The following COL11A1 variants were observed in gnomAD, a reference collection of about 807,000 sequenced individuals.
The protein encoded by COL11A1 is collagen alpha-1(XI) chain.
A neutral mutation model predicts 265.2 loss-of-function variants in COL11A1; 74 were observed. The observed-to-expected ratio is 0.28, with a 90% CI of 0.23 to 0.34. The LOEUF is 0.34. Among genes scored for constraint, COL11A1 ranks in the 10% least tolerant of loss-of-function variants. The probability of loss-of-function intolerance (pLI) is 1.00; values close to 1 mark genes in which losing one functional copy is unlikely to be tolerated. For synonymous variants in COL11A1, 816 were observed against 727.6 expected (o/e 1.12, Z -1.96); for missense variants, 2,165 against 2,263.6 (o/e 0.96, Z 0.88).
intron 36 of COL11A1, 128 bp downstream of exon 36, chr1:102,974,702 G>T: frequency 1.4e-6 from 1 of 713,018 alleles, no homozygotes; most frequent in Non-Finnish European, 2.4e-6. Context: ...TACTTTCTTT[G>T]ACATCAATTG....
chr1:103,107,575 G>C (rs1242077445), intron 1 of COL11A1, among the ~76,000 whole-genome samples: 1 of 133,268 alleles, frequency 7.5e-6, no homozygotes, highest in East Asian at 2.2e-4. Context: ...AACTAAAACA[G>C]CCTGCTTCTC....
intron 22 of COL11A1, 87 bp from the exon 23 acceptor site, chr1:103,002,568 A>C: frequency 8.2e-7 from 1 of 1,217,574 alleles, no homozygotes; most frequent in Non-Finnish European, 1.2e-6. Flanking sequence ...ACCTCTACCC[A>C]CCCTCAAACA....
At chr1:102,920,999 A>G (rs1429187257) in intron 48 of COL11A1, among the ~76,000 whole-genome samples, 3 of 152,206 alleles carry the variant, frequency 2.0e-5, no homozygotes, top group Non-Finnish European at 4.4e-5. Flanking sequence ...ATATGGCATT[A>G]TATTTCAAAA....
At chr1:103,050,818 C>G (rs1175875740) in intron 4 of COL11A1, among the ~76,000 whole-genome samples, 1 of 152,206 alleles carries the variant, frequency 6.6e-6, no homozygotes, top group East Asian at 1.9e-4. Context: ...TTCCTTCTAA[C>G]AGACAGGTCC....
chr1:103,079,065 A>G (rs1285472373), intron 2 of COL11A1, among the ~76,000 whole-genome samples, 194 bp from the exon 3 acceptor site: 1 of 152,122 alleles, frequency 6.6e-6, no homozygotes, highest in Non-Finnish European at 1.5e-5. Flanking sequence ...CTATAGTCAA[A>G]CTTTAAAGAC....
At chr1:102,941,337 G>A (rs904403185) in intron 42 of COL11A1, among the ~76,000 whole-genome samples, 5 of 151,974 alleles carry the variant, frequency 3.3e-5, no homozygotes, top group East Asian at 1.9e-4. Flanking sequence ...TTCCCCATAC[G>A]TATTCTTACT....
At chr1:103,039,656 A>G (rs938809185) in intron 4 of COL11A1, among the ~76,000 whole-genome samples, 1 of 152,156 alleles carries the variant, frequency 6.6e-6, no homozygotes, top group Non-Finnish European at 1.5e-5. Flanking sequence ...AACTTTGAAA[A>G]AATAAGTTTC....
chr1:103,035,998 A>G (rs1360112956), intron 4 of COL11A1, among the ~76,000 whole-genome samples: 1 of 151,890 alleles, frequency 6.6e-6, no homozygotes, highest in East Asian at 1.9e-4. Context: ...TATAAATGAA[A>G]AAAAGCAAAG....
rs1370091017 is a variant in COL11A1, at chr1:102,890,461, T to A, written c.4346A>T (p.Lys1449Met). The change falls in exon 58 of 67, where the codon AAG becomes ATG. Residue 1449 changes from lysine (K) to methionine (M), a missense_variant. Transcript: ENST00000370096. ...LPGLKGDPGS[K>M]GEKGHPGLIG... Reference sequence around the variant, plus strand: ...TTCTTTTATTCTCACCTTTTCACCCTTGGAGCCAGGGTCACCTTTGAGACC... The same window carrying A: ...TTCTTTTATTCTCACCTTTTCACCCATGGAGCCAGGGTCACCTTTGAGACC... 1 of 1,609,646 alleles carries A rather than the reference T, an allele frequency of 6.2e-7. No individual in the cohort carries two copies.
chr1:103,051,941 A>G (rs1274879376), intron 4 of COL11A1, among the ~76,000 whole-genome samples: 1 of 152,216 alleles, frequency 6.6e-6, no homozygotes, highest in Non-Finnish European at 1.5e-5. Flanking sequence ...AAAGATAGTT[A>G]AAGTCCTCTA....
intron 3 of COL11A1, among the ~76,000 whole-genome samples, chr1:103,075,447 G>A (rs182022717): frequency 1.4e-3 from 218 of 152,202 alleles, no homozygotes; most frequent in African/African-American, 4.4e-3. Flanking sequence ...GTGGAAAACT[G>A]AAAGAAAACA....
intron 7 of COL11A1, among the ~76,000 whole-genome samples, chr1:103,024,633 G>A (rs973919843): frequency 6.6e-6 from 1 of 151,974 alleles, no homozygotes; most frequent in African/African-American, 2.4e-5. Context: ...ATTTGGTTAG[G>A]TAAATGGACA....
At chr1:103,107,524 A>G (rs901882036) in intron 1 of COL11A1, among the ~76,000 whole-genome samples, 1 of 137,434 alleles carries the variant, frequency 7.3e-6, no homozygotes, top group African/African-American at 2.7e-5. Context: ...AGTGTTCCTA[A>G]TCTTCTAGAT....
In COL11A1 at chr1:102,879,736, C is replaced by T. The variant is rs1177996327; in HGVS notation, c.5221G>A (p.Glu1741Lys). ...AAAGGATTATTGTCATAGGACATCT[C>T]CTCATCATTTGATCCCAGGAAGCGA... is the stretch of plus-strand genomic sequence containing the variant. ...ALRFLGSNDE[E>K]MSYDNNPFIK... The change falls in exon 66 of 67, where the codon GAG (glutamate) becomes AAG (lysine). Residue 1741 changes from glutamate to lysine, a missense_variant. Glu to Lys is a moderately conservative substitution (Grantham distance 56, BLOSUM62 1). Transcript: ENST00000370096. The T allele has an allele frequency of 3.1e-6, 5 of 1,613,938 alleles. No homozygotes were observed.
intron 30 of COL11A1, among the ~76,000 whole-genome samples, chr1:102,987,320 A>G (rs1176809818): frequency 1.3e-5 from 2 of 150,828 alleles, no homozygotes; most frequent in Non-Finnish European, 3.0e-5. Context: ...AAGATATTAT[A>G]TTTTGCTTTA....
chr1:103,017,721 C>T, intron 11 of COL11A1, 99 bp downstream of exon 11: 2 of 1,021,654 alleles, frequency 2.0e-6, no homozygotes, highest in South Asian at 1.3e-5. Context: ...ACCCCTCCCA[C>T]ACGCAGTAAG....
chr1:103,009,968 T>G (rs1257627020), intron 14 of COL11A1, among the ~76,000 whole-genome samples: 1 of 152,190 alleles, frequency 6.6e-6, no homozygotes, highest in Non-Finnish European at 1.5e-5. Flanking sequence ...GAATGGACTA[T>G]TTTTAATTAA....
chr1:103,071,500 C>A (rs1335489812), intron 4 of COL11A1, among the ~76,000 whole-genome samples: 1 of 101,374 alleles, frequency 9.9e-6, no homozygotes, highest in Non-Finnish European at 1.8e-5. Flanking sequence ...TTTTTGCCTG[C>A]ATGGAAATAT....
intron 15 of COL11A1, among the ~76,000 whole-genome samples, chr1:103,006,532 T>TTTC (rs1665634935): frequency 1.1e-5 from 1 of 89,972 alleles, no homozygotes; most frequent in Non-Finnish European, 2.5e-5. Flanking sequence ...CTCCATTTTT[T>TTTC]TTTTTTTTTT....
Sources: allele counts gnomAD v4.1 joint callset (sites outside exome capture counted in the v4.1 genomes callset), GRCh38; gene constraint gnomAD v4.1.1; transcripts MANE v1.5; gene names NCBI Gene and HGNC (gene_info 2026-07-23, HGNC 2026-07-21).